Variants in RP1L1 observed in about 807,000 individuals in gnomAD.
RP1L1 encodes retinitis pigmentosa 1-like 1 protein.
Under a neutral mutation model 15.7 loss-of-function variants are expected in RP1L1, and 27 were observed. The observed-to-expected ratio is 1.72, with a 90% CI of 1.27 to 2.38. The LOEUF (loss-of-function observed/expected upper bound fraction) is 2.38. Ranked by LOEUF, RP1L1 falls within the 30% of genes most tolerant of loss-of-function variation. The pLI is 0.00. For missense variants in RP1L1, 4,798 were observed against 3,075.9 expected, an observed-to-expected ratio of 1.56 and a Z score of -13.24; for synonymous variants, 1,813 against 1,276.7, an observed-to-expected ratio of 1.42 and a Z score of -8.96.
chr8:10,608,409 A>C lies in RP1L1; in HGVS notation c.5689T>G (p.Trp1897Gly), dbSNP rs556395178. ...CCTTCTGACTCTGGCTGGACCTCCCATTCTGCCTCTGGGGTCTCTACATCT... is the reference window on the plus strand; with the variant it reads ...CCTTCTGACTCTGGCTGGACCTCCCCTTCTGCCTCTGGGGTCTCTACATCT... ...SEDVETPEAE[W>G]EVQPESEGAE... Residue 1897 changes from tryptophan (W) to glycine (G), a missense_variant, in exon 4 of 4, where the codon TGG (tryptophan) becomes GGG (glycine). Trp to Gly is a radical substitution (Grantham distance 184, BLOSUM62 -2). Coordinates refer to ENST00000382483, the MANE Select transcript of RP1L1 (RefSeq NM_178857.6). 7.7e-6 allele frequency: 12 copies of C among 1,562,328 alleles called. No homozygotes were observed. The highest frequency in any genetic ancestry group is 3.3e-5 in the African/African-American group (2 of 60,022).
At position 10,608,421 on chromosome 8, in the gene RP1L1, G is replaced by A. The variant is rs1220023360; in HGVS notation, c.5677C>T (p.Pro1893Ser). The change falls in exon 4 of 4, where the codon CCA becomes TCA. Residue 1893 changes from proline to serine, a missense_variant. Pro to Ser is a moderately conservative substitution (Grantham distance 74, BLOSUM62 -1). Transcript: ENST00000382483. ...AQPESEDVET[P>S]EAEWEVQPES... ...GGCTGGACCTCCCATTCTGCCTCTG[G>A]GGTCTCTACATCTTCTGACTCTGGC... The A allele has an allele frequency of 1.9e-6, 3 of 1,604,602 alleles. No individual in the cohort carries two copies. The highest frequency in any genetic ancestry group is 2.6e-6 in the Non-Finnish European group (3 of 1,175,188).
rs1279968135 is a variant in RP1L1 at position 10,631,313 on chromosome 8, A to C, written c.-19-8093T>G. Reference sequence around the variant, plus strand: ...CGCACACAAACACGCATGCACACACACGCACACACGCACACACACATGCAC... The same window carrying C: ...CGCACACAAACACGCATGCACACACCCGCACACACGCACACACACATGCAC... On this transcript the variant is annotated intron_variant, in intron 1 of 3. Transcript: ENST00000382483. 4.9e-5 allele frequency among the ~76,000 whole-genome samples: 4 copies of C among 81,090 alleles called. No homozygotes were observed. In the Admixed American group the frequency reaches 5.7e-4, roughly 11 times the overall value. 53.2% of individuals were successfully genotyped at this position (81,090 alleles called of 152,430 possible).
At chr8:10,649,537 C>T (rs1798528576) in intron 1 of RP1L1, among the ~76,000 whole-genome samples, 2 of 152,196 alleles carry the variant, frequency 1.3e-5, no homozygotes, top group Admixed American at 6.5e-5. Context: ...CTGTCCCTGG[C>T]TCCCAGAGAG....
intron 1 of RP1L1, among the ~76,000 whole-genome samples, chr8:10,624,836 G>C (rs548408678): frequency 1.3e-5 from 2 of 152,194 alleles, no homozygotes; most frequent in Non-Finnish European, 2.9e-5. Context: ...TGGCTGAGTG[G>C]GTTTGAGTTG....
chr8:10,623,800 C>T (rs1798114654), intron 1 of RP1L1, among the ~76,000 whole-genome samples: 1 of 151,482 alleles, frequency 6.6e-6, no homozygotes, highest in Admixed American at 6.6e-5. Flanking sequence ...CACATGTCCC[C>T]AACATTGCTG....
chr8:10,606,746 T>A lies in RP1L1; in HGVS notation c.*149A>T. The A allele has an allele frequency of 7.6e-7, 1 of 1,311,874 alleles. No individual in the cohort carries two copies. The highest frequency in any genetic ancestry group is 1.0e-6 in the Non-Finnish European group (1 of 964,232). The allele number at this position is 1,311,874 out of a possible 1,614,324, so 81.3% of individuals were successfully genotyped here. ...TGGACTTAAGAGTCCCAGGACAGCA[T>A]GGCATGGGCTGTGTCCTTGGCAAGT... is the stretch of plus-strand genomic sequence containing the variant. On this transcript the variant is annotated 3_prime_UTR_variant, in exon 4 of 4. Coordinates refer to ENST00000382483, the MANE Select transcript of RP1L1 (RefSeq NM_178857.6).
At chr8:10,646,815 C>T (rs892496906) in intron 1 of RP1L1, among the ~76,000 whole-genome samples, 9 of 152,226 alleles carry the variant, frequency 5.9e-5, no homozygotes, top group Admixed American at 2.6e-4. Context: ...TACTGCTTTC[C>T]GCGGAGAGGC....
chr8:10,617,101 C>G (rs1206786696), intron 2 of RP1L1, among the ~76,000 whole-genome samples: 6 of 152,072 alleles, frequency 3.9e-5, no homozygotes, highest in Non-Finnish European at 5.9e-5. Flanking sequence ...ACCACTCTTC[C>G]TGCAGGGACC....
In RP1L1 at chr8:10,613,420, T is replaced by C. The variant is rs1797913809; in HGVS notation, c.752-74A>G. On this transcript the variant is annotated intron_variant, in intron 3 of 3. Coordinates refer to ENST00000382483, the MANE Select transcript of RP1L1 (RefSeq NM_178857.6). ...TGGGGGCAGCATCAGGATAAAGGAA[T>C]AAAACAGTCACGAGCCTCCCACGAC... is the stretch of plus-strand genomic sequence containing the variant. 4 of 1,584,852 alleles carry C rather than the reference T, an allele frequency of 2.5e-6. No individual in the cohort carries two copies. The South Asian group carries it at 4.5e-5, about 18-fold the overall frequency.
chr8:10,653,600 T>C (rs1366189875), intron 1 of RP1L1, among the ~76,000 whole-genome samples: 3 of 151,228 alleles, frequency 2.0e-5, no homozygotes, highest in Non-Finnish European at 4.4e-5. Flanking sequence ...CCACATCACA[T>C]GTGCGCACAC....
rs760484480 is a variant in RP1L1 at position 10,613,080 on chromosome 8, A to G, written c.1018T>C (p.Ser340Pro). The G allele has an allele frequency of 2.0e-5, 33 of 1,613,750 alleles. 1 individual carries two copies. The South Asian group carries it at 3.4e-4, about 17-fold the overall frequency. The change falls in exon 4 of 4, where the codon TCC (serine) becomes CCC (proline). Residue 340 changes from serine to proline, a missense_variant. Transcript: ENST00000382483. ...GCGCTGGCCCTGCCCATCCTCCGGG[A>G]CCATAGGAGCGTGTCCTCGCCGACC... ...HLVGEDTLLW[S>P]RRMGRASALT...
At position 10,610,002 on chromosome 8, in the gene RP1L1, C is replaced by A. The variant is rs773871383; in HGVS notation, c.4096G>T (p.Gly1366Trp). ...LEEIEETGGE[G>W]LQEEGVQLEE... The stretch of plus-strand genomic sequence containing the variant: ...AACTGCACCCCCTCTTCTTGCAGCC[C>A]TTCTCCTCCTGTTTCTTCAATTTCC... Residue 1366 changes from glycine to tryptophan, a missense_variant, in exon 4 of 4, where the codon GGG becomes TGG. By Grantham distance (184) the Gly-to-Trp change is radical. Coordinates refer to ENST00000382483, the MANE Select transcript of RP1L1 (RefSeq NM_178857.6). 1.9e-6 allele frequency: 3 copies of A among 1,588,198 alleles called. No individual in the cohort carries two copies. In the African/African-American group the frequency reaches 4.0e-5, roughly 21 times the overall value.
intron 1 of RP1L1, among the ~76,000 whole-genome samples, chr8:10,631,272 C>G (rs1199111677): frequency 1.3e-5 from 2 of 151,170 alleles, no homozygotes; most frequent in Non-Finnish European, 2.9e-5. Flanking sequence ...CGCACACAAA[C>G]ACGCATGCAC....
At chr8:10,623,360 T>C in intron 1 of RP1L1, 140 bp from the exon 2 acceptor site, 1 of 688,730 alleles carries the variant, frequency 1.5e-6, no homozygotes, top group Non-Finnish European at 2.4e-6. Flanking sequence ...TGAATCTATT[T>C]GGATGGAACA....
intron 2 of RP1L1, chr8:10,621,628 A>G: frequency 2.2e-6 from 1 of 447,446 alleles, no homozygotes; most frequent in Non-Finnish European, 4.6e-6. Context: ...GCCCAGTGAT[A>G]TGATATTTAT....
rs747957828 is a variant in RP1L1 at position 10,606,875 on chromosome 8, G to T, written c.*20C>A. The T allele has an allele frequency of 6.2e-7, 1 of 1,614,026 alleles. No homozygotes were observed. The highest frequency in any genetic ancestry group is 1.7e-5 in the Admixed American group (1 of 60,032). Reference sequence around the variant, plus strand: ...AAACAGAGCTCCCAAGCTCGTGATTGTTTTCTAGCTTGATCTTGTCTAGAA... The same window carrying T: ...AAACAGAGCTCCCAAGCTCGTGATTTTTTTCTAGCTTGATCTTGTCTAGAA... On this transcript the variant is annotated 3_prime_UTR_variant, in exon 4 of 4. Coordinates refer to ENST00000382483, the MANE Select transcript of RP1L1 (RefSeq NM_178857.6).
intron 1 of RP1L1, among the ~76,000 whole-genome samples, chr8:10,634,598 C>G (rs1374560459): frequency 1.3e-5 from 2 of 152,166 alleles, no homozygotes; most frequent in Admixed American, 6.5e-5. Flanking sequence ...GAGGCACTGC[C>G]TACTGGAACT....
chr8:10,629,023 G>T (rs920164278), intron 1 of RP1L1, among the ~76,000 whole-genome samples: 3 of 152,220 alleles, frequency 2.0e-5, no homozygotes, highest in Admixed American at 6.5e-5. Context: ...CTGGCCCTGT[G>T]CTCGGCACAT....
At chr8:10,629,512 G>A (rs1201957639) in intron 1 of RP1L1, among the ~76,000 whole-genome samples, 1 of 152,218 alleles carries the variant, frequency 6.6e-6, no homozygotes, top group East Asian at 1.9e-4. Context: ...GGATTCTGAG[G>A]CAGATCTCAG....
Sources: allele counts gnomAD v4.1 joint callset (sites outside exome capture counted in the v4.1 genomes callset), GRCh38; gene constraint gnomAD v4.1.1; transcripts MANE v1.5; gene names NCBI Gene and HGNC (gene_info 2026-07-23, HGNC 2026-07-21).